IL15: variants seen among roughly 807,000 people sequenced by gnomAD.
IL15 encodes the protein interleukin-15.
A neutral mutation model predicts 19.6 loss-of-function variants in IL15; 11 were observed. The ratio of observed to expected loss-of-function variants is 0.56; its 90% CI spans 0.35 to 0.93. The LOEUF is 0.93. Among genes scored for constraint, IL15 ranks in the 40% least tolerant of loss-of-function variants. The pLI is 0.01. For missense variants in IL15, 197 were observed against 186.5 expected (o/e 1.06, Z -0.33); for synonymous variants, 58 against 59.6 (o/e 0.97, Z 0.12).
At chr4:141,674,308 C>A (rs1364741239) in intron 2 of IL15, among the ~76,000 whole-genome samples, 1 of 152,148 alleles carries the variant, frequency 6.6e-6, no homozygotes, top group Non-Finnish European at 1.5e-5. Context: ...TGTAGTATCT[C>A]ACATGAGACT....
intron 1 of IL15, among the ~76,000 whole-genome samples, chr4:141,643,981 G>A (rs1376408604): frequency 6.6e-6 from 1 of 151,454 alleles, no homozygotes; most frequent in Non-Finnish European, 1.5e-5. Flanking sequence ...CATTCTCTTA[G>A]TTCCATAGAT....
At chr4:141,698,590 T>A (rs1373041498) in intron 2 of IL15, among the ~76,000 whole-genome samples, 1 of 152,070 alleles carries the variant, frequency 6.6e-6, no homozygotes, top group African/African-American at 2.4e-5. Context: ...CAGGAATTTA[T>A]CAATTTCCTG....
At chr4:141,694,071 C>T (rs761669567) in intron 2 of IL15, among the ~76,000 whole-genome samples, 6 of 152,058 alleles carry the variant, frequency 3.9e-5, no homozygotes, top group Non-Finnish European at 7.4e-5. Flanking sequence ...ATTTACTGCA[C>T]CAATGGATGG....
At chr4:141,705,412 T>A (rs1729479577) in intron 2 of IL15, among the ~76,000 whole-genome samples, 1 of 152,044 alleles carries the variant, frequency 6.6e-6, no homozygotes, top group African/African-American at 2.4e-5. Context: ...TAGTATTGAT[T>A]TCTAGTTTTA....
chr4:141,725,818 G>A (rs1476946781), intron 5 of IL15, among the ~76,000 whole-genome samples: 1 of 152,136 alleles, frequency 6.6e-6, no homozygotes, highest in Admixed American at 6.5e-5. Context: ...TTATAACAGA[G>A]TACTTGAAAT....
At chr4:141,665,393 A>G (rs1579001139) in intron 2 of IL15, among the ~76,000 whole-genome samples, 1 of 152,064 alleles carries the variant, frequency 6.6e-6, no homozygotes, top group Admixed American at 6.5e-5. Flanking sequence ...ATGACAGTGT[A>G]TTTTATTTTA....
chr4:141,729,161 T>C (rs986346356), intron 6 of IL15, among the ~76,000 whole-genome samples: 2 of 152,128 alleles, frequency 1.3e-5, no homozygotes, highest in African/African-American at 4.8e-5. Flanking sequence ...ATCCATTCAG[T>C]AAGCATTTGT....
chr4:141,662,550 T>C (rs1727828610), intron 2 of IL15, among the ~76,000 whole-genome samples: 1 of 152,238 alleles, frequency 6.6e-6, no homozygotes, highest in Admixed American at 6.5e-5. Flanking sequence ...AGCCTGTTTT[T>C]GTCTCTGTGT....
chr4:141,701,456 CTTG>C (rs1403243767), intron 2 of IL15, among the ~76,000 whole-genome samples: 4 of 152,018 alleles, frequency 2.6e-5, no homozygotes, highest in East Asian at 3.9e-4. Context: ...TAGTTATGTA[CTTG>C]TTGTGTGGGC....
intron 5 of IL15, among the ~76,000 whole-genome samples, chr4:141,723,102 C>T (rs549140133): frequency 6.6e-6 from 1 of 152,106 alleles, no homozygotes; most frequent in Admixed American, 6.6e-5. Flanking sequence ...AACAAAACAC[C>T]ACCCATCTAT....
intron 2 of IL15, among the ~76,000 whole-genome samples, chr4:141,676,932 T>C (rs1728368469): frequency 6.6e-6 from 1 of 152,158 alleles, no homozygotes; most frequent in Non-Finnish European, 1.5e-5. Flanking sequence ...AGACATATTA[T>C]AAAAGAAGCA....
intron 1 of IL15, among the ~76,000 whole-genome samples, chr4:141,643,073 A>G (rs959438697): frequency 7.2e-5 from 11 of 152,344 alleles, no homozygotes; most frequent in South Asian, 4.1e-4. Flanking sequence ...AGTTTGAGGT[A>G]GAATTTATTG....
chr4:141,641,845 A>G (rs1345439674), intron 1 of IL15, among the ~76,000 whole-genome samples: 1 of 151,814 alleles, frequency 6.6e-6, no homozygotes, highest in Non-Finnish European at 1.5e-5. Context: ...TATAATTTAA[A>G]AAAAAAAAAG....
chr4:141,711,999 A>G (rs1385769458), intron 2 of IL15, among the ~76,000 whole-genome samples: 2 of 152,216 alleles, frequency 1.3e-5, no homozygotes, highest in African/African-American at 2.4e-5. Flanking sequence ...AGGAAATTCA[A>G]TTTAAAATTG....
At chr4:141,726,810 G>T (rs1236371341) in intron 5 of IL15, among the ~76,000 whole-genome samples, 1 of 151,762 alleles carries the variant, frequency 6.6e-6, no homozygotes, top group African/African-American at 2.4e-5. Context: ...TATGATGAGT[G>T]AAAAAAGCCA....
chr4:141,703,877 T>G (rs1428995546), intron 2 of IL15, among the ~76,000 whole-genome samples: 2 of 152,106 alleles, frequency 1.3e-5, no homozygotes, highest in East Asian at 3.8e-4. Flanking sequence ...TCATTATTGG[T>G]GTATAGAAAT....
intron 1 of IL15, among the ~76,000 whole-genome samples, chr4:141,647,583 C>T (rs540286779): frequency 2.0e-4 from 31 of 152,060 alleles, no homozygotes; most frequent in East Asian, 5.8e-4. Context: ...AGGAGATATT[C>T]GGGAAGGCCT....
intron 5 of IL15, 110 bp downstream of exon 5, chr4:141,722,118 T>C: frequency 7.8e-7 from 1 of 1,289,754 alleles, no homozygotes; most frequent in Non-Finnish European, 1.0e-6. Context: ...AATAATATTT[T>C]TGTAGAAATT....
At chr4:141,641,595 A>G (rs1327166891) in intron 1 of IL15, among the ~76,000 whole-genome samples, 1 of 151,472 alleles carries the variant, frequency 6.6e-6, no homozygotes, top group African/African-American at 2.4e-5. Flanking sequence ...GCAAGGACAA[A>G]AAACCAAACA....
Sources: gnomAD v4.1 joint callset for allele counts (sites outside exome capture counted in the v4.1 genomes callset) on GRCh38, gnomAD v4.1.1 for gene constraint, MANE v1.5 for transcripts, NCBI Gene and HGNC (gene_info 2026-07-23, HGNC 2026-07-21) for gene names.